The following RALYL variants were observed in gnomAD, a reference collection of about 807,000 sequenced individuals.
The protein encoded by RALYL is RALY RNA binding protein like.
In RALYL, 29 loss-of-function variants were observed where a neutral mutation model predicts 35.1. That is an observed-to-expected ratio of 0.83 (90% CI 0.61 to 1.13). The LOEUF is 1.13. Among genes scored for constraint, RALYL ranks in the 50% most tolerant of loss-of-function variants. The pLI is 0.00. For synonymous variants in RALYL, 120 were observed against 127.6 expected (o/e 0.94, Z 0.40); for missense variants, 359 against 360.4 (o/e 1.00, Z 0.03).
chr8:84,338,117 A>G (rs1369986022), intron 1 of RALYL, among the ~76,000 whole-genome samples: 1 of 152,050 alleles, frequency 6.6e-6, no homozygotes, highest in Non-Finnish European at 1.5e-5. Context: ...GTTATTTTAA[A>G]TACTAGGTAT....
intron 1 of RALYL, among the ~76,000 whole-genome samples, chr8:84,222,707 G>A (rs1385609688): frequency 1.3e-5 from 2 of 152,036 alleles, no homozygotes; most frequent in Non-Finnish European, 2.9e-5. Context: ...ATAGTAATCT[G>A]GTTCTTGCTG....
At chr8:84,586,568 A>C (rs577897118) in intron 2 of RALYL, among the ~76,000 whole-genome samples, 1 of 152,194 alleles carries the variant, frequency 6.6e-6, no homozygotes, top group Non-Finnish European at 1.5e-5. Flanking sequence ...ATAAACCTAC[A>C]ATTTGAGTGA....
intron 2 of RALYL, among the ~76,000 whole-genome samples, chr8:84,729,975 T>G (rs1022645771): frequency 1.2e-4 from 18 of 152,134 alleles, no homozygotes; most frequent in South Asian, 2.1e-4. Flanking sequence ...ACTGGTACCA[T>G]TCCTTCTGAA....
intron 1 of RALYL, among the ~76,000 whole-genome samples, chr8:84,342,296 A>ATATATATATATAT (rs1554626164): frequency 3.9e-4 from 47 of 119,044 alleles, no homozygotes; most frequent in Non-Finnish European, 5.5e-4. Flanking sequence ...ATATATATAT[A>ATATATATATATAT]AAACTCAAAA....
At chr8:84,516,247 A>T (rs891853966) in intron 1 of RALYL, among the ~76,000 whole-genome samples, 6 of 105,302 alleles carry the variant, frequency 5.7e-5, no homozygotes, top group African/African-American at 2.2e-4. Flanking sequence ...TGTATGACAT[A>T]TACACATAGA....
rs558386769 is a variant in RALYL at position 84,871,426 on chromosome 8, T to C, written c.572-1858T>C. On this transcript the variant is annotated intron_variant, in intron 6 of 8. Coordinates refer to ENST00000521268, the MANE Select transcript of RALYL (RefSeq NM_173848.7). Reference sequence around the variant, plus strand: ...CTGTTAGTTTTCAGCTATAGTCCTATTTATTTCTCCTGCATTGAAATCTAA... The same window carrying C: ...CTGTTAGTTTTCAGCTATAGTCCTACTTATTTCTCCTGCATTGAAATCTAA... Among the ~76,000 whole-genome samples the C allele has an allele frequency of 3.3e-5, 5 of 152,332 alleles. No individual in the cohort carries two copies. In the East Asian group the frequency reaches 9.6e-4, roughly 29 times the overall value.
At chr8:84,551,336 T>C (rs2135430689) in intron 2 of RALYL, among the ~76,000 whole-genome samples, 1 of 152,282 alleles carries the variant, frequency 6.6e-6, no homozygotes, top group East Asian at 1.9e-4. Flanking sequence ...TAATTGTTTC[T>C]GGTTTGAAGA....
intron 1 of RALYL, among the ~76,000 whole-genome samples, chr8:84,367,331 T>TG (rs1563800096): frequency 6.7e-4 from 17 of 25,220 alleles, no homozygotes; most frequent in African/African-American, 3.9e-3. Flanking sequence ...TTTTTTTTTT[T>TG]TTTTTTTTTT....
At chr8:84,695,181 A>G (rs1838885853) in intron 2 of RALYL, among the ~76,000 whole-genome samples, 1 of 151,752 alleles carries the variant, frequency 6.6e-6, no homozygotes, top group Non-Finnish European at 1.5e-5. Context: ...AGGTCTTTAC[A>G]CATATGTTTC....
chr8:84,644,676 A>T (rs917423060), intron 2 of RALYL, among the ~76,000 whole-genome samples: 1 of 150,982 alleles, frequency 6.6e-6, no homozygotes, highest in African/African-American at 2.4e-5. Flanking sequence ...TGTCTGTTAA[A>T]CCTTTGCTCA....
At chr8:84,620,043 A>T (rs987104391) in intron 2 of RALYL, among the ~76,000 whole-genome samples, 1 of 151,794 alleles carries the variant, frequency 6.6e-6, no homozygotes, top group Non-Finnish European at 1.5e-5. Context: ...CCTTCATTTC[A>T]ACTTTGGTGA....
At chr8:84,757,573 T>G (rs1811730050) in intron 2 of RALYL, among the ~76,000 whole-genome samples, 2 of 152,148 alleles carry the variant, frequency 1.3e-5, no homozygotes, top group South Asian at 4.1e-4. Context: ...CACTTCCATT[T>G]AAAAGAACTT....
At position 84,412,058 on chromosome 8, in the gene RALYL, T is replaced by C. The variant is rs186328379; in HGVS notation, c.-23-117241T>C. Among the ~76,000 whole-genome samples the C allele has an allele frequency of 1.6e-3, 236 of 152,124 alleles. 3 individuals carry two copies. Among genetic ancestry groups the C allele is most frequent in the Non-Finnish European group, 4.9e-4 (33 of 67,854 alleles). ...AAGTACTAACAATACTAGCTGTTAT[T>C]AATTTTCACTGTGTCTAAAATTCAT... is the stretch of plus-strand genomic sequence containing the variant. On this transcript the variant is annotated intron_variant, in intron 1 of 8. Coordinates refer to ENST00000521268, the MANE Select transcript of RALYL (RefSeq NM_173848.7).
At position 84,425,324 on chromosome 8, in the gene RALYL, C is replaced by T. The variant is rs540358095; in HGVS notation, c.-23-103975C>T. Among the ~76,000 whole-genome samples the T allele has an allele frequency of 1.8e-3, 277 of 152,150 alleles. 3 individuals carry two copies. Among genetic ancestry groups the T allele is most frequent in the Non-Finnish European group, 7.8e-4 (53 of 67,998 alleles). ...AGTGACCCGATTTTCCAGGTGCGTCCGTCACCCCTTTCTTTGACTCGGAAA... is the reference window on the plus strand; with the variant it reads ...AGTGACCCGATTTTCCAGGTGCGTCTGTCACCCCTTTCTTTGACTCGGAAA... On this transcript the variant is annotated intron_variant, in intron 1 of 8. Coordinates refer to ENST00000521268, the MANE Select transcript of RALYL (RefSeq NM_173848.7).
chr8:84,779,117 A>C lies in RALYL; in HGVS notation c.332+4463A>C, dbSNP rs527337380. ...ATGGTGAATAGCTAATCCATTCTCT[A>C]GGGAAAACATTGTAACTTTTAATAA... On this transcript the variant is annotated intron_variant, in intron 3 of 8. Coordinates refer to ENST00000521268, the MANE Select transcript of RALYL (RefSeq NM_173848.7). 4.6e-5 allele frequency among the ~76,000 whole-genome samples: 7 copies of C among 152,322 alleles called. No homozygotes were observed. In the East Asian group the frequency reaches 1.4e-3, roughly 29 times the overall value.
At chr8:84,889,165 A>G (rs540489409) in intron 8 of RALYL, among the ~76,000 whole-genome samples, 25 of 142,162 alleles carry the variant, frequency 1.8e-4, no homozygotes, top group African/African-American at 6.9e-4. Flanking sequence ...CATTGATTTC[A>G]GGAATCTATT....
chr8:84,284,682 G>T lies in RALYL; in HGVS notation c.-24+100258G>T, dbSNP rs1353665421. Among the ~76,000 whole-genome samples the T allele has an allele frequency of 2.6e-5, 4 of 152,142 alleles. No individual in the cohort carries two copies. In the East Asian group the frequency reaches 5.8e-4, roughly 22 times the overall value. ...ACAGTCAGGCTGGGCATCTCCTAGA[G>T]ATTTTTGGATTAAAGGAACTCATGA... On this transcript the variant is annotated intron_variant, in intron 1 of 8. Coordinates refer to ENST00000521268, the MANE Select transcript of RALYL (RefSeq NM_173848.7).
intron 1 of RALYL, among the ~76,000 whole-genome samples, chr8:84,348,372 T>A (rs1850241119): frequency 6.6e-6 from 1 of 152,234 alleles, no homozygotes; most frequent in Middle Eastern, 3.4e-3. Context: ...ATGCACTTTT[T>A]CTGTATTTTC....
At chr8:84,800,267 A>C (rs1268405472) in intron 3 of RALYL, among the ~76,000 whole-genome samples, 1 of 152,226 alleles carries the variant, frequency 6.6e-6, no homozygotes, top group Non-Finnish European at 1.5e-5. Context: ...TTCAAATCCC[A>C]GCTCAACCAC....
Sources: allele counts gnomAD v4.1 joint callset (sites outside exome capture counted in the v4.1 genomes callset), GRCh38; gene constraint gnomAD v4.1.1; transcripts MANE v1.5; gene names NCBI Gene and HGNC (gene_info 2026-07-23, HGNC 2026-07-21).